ERO1A: variants seen among roughly 807,000 people sequenced by gnomAD.
ERO1A encodes the protein endoplasmic reticulum oxidoreductase 1 alpha.
ERO1A carries 49 observed loss-of-function variants against 76.9 expected under a neutral mutation model. The observed-to-expected ratio is 0.64, with a 90% CI of 0.51 to 0.81. The LOEUF (loss-of-function observed/expected upper bound fraction) is 0.81, where lower values mean the gene tolerates loss of function less well. ERO1A is among the 30% of genes least tolerant of loss of function. The pLI is 0.00. For missense variants in ERO1A, 448 were observed against 542.1 expected (o/e 0.83, Z 1.72); for synonymous variants, 174 against 181.2 (o/e 0.96, Z 0.32).
chr14:52,668,870 T>C (rs1045152064), intron 6 of ERO1A, among the ~76,000 whole-genome samples: 4 of 150,832 alleles, frequency 2.7e-5, no homozygotes, highest in African/African-American at 7.3e-5. Context: ...AGAATTTTTA[T>C]GATGCGCTGG....
At chr14:52,679,751 G>GA (rs1243973320) in intron 3 of ERO1A, among the ~76,000 whole-genome samples, 1 of 151,840 alleles carries the variant, frequency 6.6e-6, no homozygotes, top group East Asian at 1.9e-4. Flanking sequence ...ATCAGTTCAA[G>GA]AAAAAAACAA....
intron 7 of ERO1A, among the ~76,000 whole-genome samples, chr14:52,664,382 T>C (rs1314205390): frequency 6.6e-6 from 1 of 152,104 alleles, no homozygotes; most frequent in African/African-American, 2.4e-5. Context: ...AAACAGAAAT[T>C]TTCTGGAGAG....
At chr14:52,646,003 T>A (rs2039640566) in intron 15 of ERO1A, 151 bp downstream of exon 15, 1 of 864,310 alleles carries the variant, frequency 1.2e-6, no homozygotes, top group Non-Finnish European at 1.7e-6. Flanking sequence ...GCCACTGCAC[T>A]CCAGCCTGGG....
At chr14:52,661,326 T>C (rs1370283045) in intron 8 of ERO1A, 22 bp from the exon 9 acceptor site, 11 of 1,414,520 alleles carry the variant, frequency 7.8e-6, no homozygotes, top group African/African-American at 1.5e-5. Flanking sequence ...AACAAAATGT[T>C]TATTAAAATA....
intron 11 of ERO1A, among the ~76,000 whole-genome samples, chr14:52,653,947 T>G (rs953907662): frequency 6.6e-6 from 1 of 152,068 alleles, no homozygotes; most frequent in African/African-American, 2.4e-5. Flanking sequence ...AGACCTTAGG[T>G]GCAAGAAAAT....
At chr14:52,677,399 C>T (rs367872191) in intron 4 of ERO1A, among the ~76,000 whole-genome samples, 5 of 151,988 alleles carry the variant, frequency 3.3e-5, no homozygotes, top group African/African-American at 7.3e-5. Context: ...TCCCCACTGA[C>T]GGACAGTCTA....
At chr14:52,680,082 C>CAAAAAAAAA (rs35358193) in intron 3 of ERO1A, among the ~76,000 whole-genome samples, 4 of 90,910 alleles carry the variant, frequency 4.4e-5, no homozygotes, top group Admixed American at 1.3e-4. Context: ...AAAACACAAA[C>CAAAAAAAAA]AAAAAAAAAA....
At chr14:52,649,330 A>G (rs980462101) in intron 13 of ERO1A, among the ~76,000 whole-genome samples, 2 of 152,224 alleles carry the variant, frequency 1.3e-5, no homozygotes, top group African/African-American at 4.8e-5. Context: ...CTAACCATAC[A>G]TTGATAGGGT....
chr14:52,682,527 T>TG, intron 2 of ERO1A, 119 bp from the exon 3 acceptor site: 2 of 678,952 alleles, frequency 2.9e-6, no homozygotes, highest in Non-Finnish European at 5.0e-6. Flanking sequence ...CAGTATTTCT[T>TG]CCACCTATCT....
chr14:52,661,987 T>C (rs913139426), intron 8 of ERO1A, among the ~76,000 whole-genome samples: 8 of 152,032 alleles, frequency 5.3e-5, no homozygotes, highest in African/African-American at 9.6e-5. Context: ...ATTTACATTT[T>C]AGTGAATATC....
chr14:52,676,232 G>A (rs2040778661), intron 4 of ERO1A, among the ~76,000 whole-genome samples: 1 of 152,050 alleles, frequency 6.6e-6, no homozygotes, highest in African/African-American at 2.4e-5. Flanking sequence ...TCAGCCAAAA[G>A]GATTCATTGC....
At chr14:52,663,687 G>A in intron 8 of ERO1A, 114 bp downstream of exon 8, 1 of 657,576 alleles carries the variant, frequency 1.5e-6, no homozygotes, top group Non-Finnish European at 2.8e-6. Flanking sequence ...TATGGAAACA[G>A]GACTGTGGAT....
intron 6 of ERO1A, among the ~76,000 whole-genome samples, chr14:52,670,016 G>A (rs867310945): frequency 1.2e-4 from 19 of 152,086 alleles, no homozygotes; most frequent in African/African-American, 4.3e-4. Context: ...CAACCCCCTG[G>A]ATCAAGCAAT....
intron 9 of ERO1A, 90 bp downstream of exon 9, chr14:52,661,203 A>G: frequency 4.4e-6 from 2 of 457,742 alleles, no homozygotes; most frequent in Non-Finnish European, 7.6e-6. Flanking sequence ...TGATTTTTAG[A>G]GGTGAGAAGA....
intron 13 of ERO1A, among the ~76,000 whole-genome samples, chr14:52,647,414 A>G (rs1002695544): frequency 2.0e-5 from 3 of 151,876 alleles, no homozygotes; most frequent in African/African-American, 7.3e-5. Context: ...GCAAAAATAT[A>G]TAAAATATAG....
Position 52,643,594 on chromosome 14 carries a change from C to G in ERO1A, c.1383G>C (p.Arg461Ser). 6.8e-7 allele frequency: 1 copy of G among 1,480,008 alleles called. No individual in the cohort carries two copies. The highest frequency in any genetic ancestry group is 1.5e-5 in the African/African-American group (1 of 67,514). 91.7% of individuals were successfully genotyped at this position (1,480,008 alleles called of 1,614,324 possible). ...STSVKELENF[R>S]NLLQNIH ...TTTAATGAATATTCTGTAACAAGTTCCTGAAGTTTTCTAATTCTTTCACAC... is the reference window on the plus strand; with the variant it reads ...TTTAATGAATATTCTGTAACAAGTTGCTGAAGTTTTCTAATTCTTTCACAC... Residue 461 changes from arginine to serine, a missense_variant, in exon 16 of 16, where the codon AGG (arginine) becomes AGC (serine). Arg to Ser is a moderately radical substitution (Grantham distance 110, BLOSUM62 -1). Around this residue, in one of 2 missense-constraint regions of ERO1A, gnomAD observed 302 missense variants for 411.9 expected, o/e 0.73. Transcript: ENST00000395686.
At chr14:52,652,135 T>G (rs1014387980) in intron 13 of ERO1A, 104 bp downstream of exon 13, 15 of 650,480 alleles carry the variant, frequency 2.3e-5, no homozygotes, top group Non-Finnish European at 3.7e-5. Context: ...CCTGGCCTAC[T>G]CTCTACTTCT....
At chr14:52,652,008 T>A (rs1035969596) in intron 13 of ERO1A, among the ~76,000 whole-genome samples, 3 of 150,084 alleles carry the variant, frequency 2.0e-5, no homozygotes, top group African/African-American at 4.9e-5. Flanking sequence ...TTTTTTTTTT[T>A]AATTAAAGAC....
chr14:52,684,665 T>C (rs978097209), intron 1 of ERO1A, among the ~76,000 whole-genome samples: 1 of 152,194 alleles, frequency 6.6e-6, no homozygotes, highest in Non-Finnish European at 1.5e-5. Context: ...CAAACTGACC[T>C]CAAAGTCAAT....
Sources: gnomAD v4.1 joint callset for allele counts (sites outside exome capture counted in the v4.1 genomes callset) on GRCh38, gnomAD v4.1.1 for gene constraint, gnomAD v4.1.1 regional missense constraint, MANE v1.5 for transcripts, NCBI Gene and HGNC (gene_info 2026-07-23, HGNC 2026-07-21) for gene names.